DGKG: variants seen among roughly 807,000 people sequenced by gnomAD.
DGKG encodes the protein DAG kinase gamma.
In DGKG, 78 loss-of-function variants were observed where a neutral mutation model predicts 105.3. The ratio of observed to expected loss-of-function variants is 0.74; its 90% CI spans 0.62 to 0.89. DGKG has a LOEUF of 0.89. Among genes scored for constraint, DGKG ranks in the 40% least tolerant of loss-of-function variants. DGKG has a pLI of 0.00. For missense variants in DGKG, 958 were observed against 1,020.1 expected, an observed-to-expected ratio of 0.94 and a Z score of 0.83; for synonymous variants, 346 against 367.1, an observed-to-expected ratio of 0.94 and a Z score of 0.66.
chr3:186,243,895 GTT>G (rs34134152), intron 19 of DGKG, among the ~76,000 whole-genome samples: 3,147 of 116,258 alleles, frequency 0.027, 53 homozygotes, highest in Middle Eastern at 0.049. Flanking sequence ...AAATTTCTGT[GTT>G]TTTTTTTTTT....
intron 5 of DGKG, among the ~76,000 whole-genome samples, chr3:186,292,425 TA>T (rs1249291256): frequency 6.6e-6 from 1 of 152,212 alleles, no homozygotes; most frequent in Non-Finnish European, 1.5e-5. Context: ...GGGATTGCAT[TA>T]AAACTGATGT....
intron 3 of DGKG, among the ~76,000 whole-genome samples, chr3:186,303,791 A>C (rs1724089912): frequency 6.6e-6 from 1 of 152,228 alleles, no homozygotes; most frequent in Non-Finnish European, 1.5e-5. Context: ...TCACGGCCAG[A>C]TGCAGCTCTG....
rs573487229 is a variant in DGKG, at chr3:186,207,988, C to A, written c.1917+3807G>T. On this transcript the variant is annotated intron_variant, in intron 21 of 24. Transcript: ENST00000265022. ...TCTCCTATTCCTTCTCAAACAGCCA[C>A]TAGCCTCAGAGAAATCGCCTGTATA... Among the ~76,000 whole-genome samples, 3 of 152,364 alleles carry A rather than the reference C, an allele frequency of 2.0e-5. No individual in the cohort carries two copies. In the East Asian group the frequency reaches 5.8e-4, roughly 29 times the overall value.
chr3:186,341,387 C>T (rs2108660835), intron 1 of DGKG, among the ~76,000 whole-genome samples: 1 of 152,358 alleles, frequency 6.6e-6, no homozygotes, highest in South Asian at 2.1e-4. Flanking sequence ...TGGTACACAA[C>T]TGTAGTCCTA....
chr3:186,276,212 G>T (rs960559620), intron 9 of DGKG, among the ~76,000 whole-genome samples: 1 of 152,128 alleles, frequency 6.6e-6, no homozygotes, highest in Non-Finnish European at 1.5e-5. Context: ...TAGTACATCC[G>T]TCTGATGTAA....
intron 5 of DGKG, among the ~76,000 whole-genome samples, chr3:186,293,563 A>G (rs531937602): frequency 6.6e-6 from 1 of 152,192 alleles, no homozygotes; most frequent in East Asian, 1.9e-4. Flanking sequence ...CTGAGCTGAC[A>G]CTCTGACAGT....
At chr3:186,211,703 T>G in intron 21 of DGKG, 92 bp downstream of exon 21, 1 of 955,276 alleles carries the variant, frequency 1.0e-6, no homozygotes, top group South Asian at 1.3e-5. Flanking sequence ...GGGTCACCTC[T>G]TAAGGTCCCA....
rs367676438 is a variant in DGKG, at chr3:186,268,784, C to T, written c.1116+17G>A. 3 of 1,585,584 alleles carry T rather than the reference C, an allele frequency of 1.9e-6. No homozygotes were observed. The highest frequency in any genetic ancestry group is 2.6e-6 in the Non-Finnish European group (3 of 1,155,536). On this transcript the variant is annotated intron_variant, in intron 12 of 24. Coordinates refer to ENST00000265022, the MANE Select transcript of DGKG (RefSeq NM_001346.3). ...AAACGTTGAAAAGAAGCAGGGCCGC[C>T]CTGGGCGCCAACCCACCGTCATCCG...
chr3:186,300,867 G>A (rs978751672), intron 3 of DGKG, among the ~76,000 whole-genome samples: 13 of 152,306 alleles, frequency 8.5e-5, no homozygotes, highest in Middle Eastern at 3.4e-3. Context: ...CAGACCAAGC[G>A]CATTTCTCCC....
intron 24 of DGKG, chr3:186,159,854 C>G (rs529821223): frequency 6.6e-6 from 1 of 151,960 alleles, no homozygotes. Context: ...TCACAAGGGG[C>G]GGGGGGGCCA....
chr3:186,257,738 A>G, intron 17 of DGKG, 116 bp downstream of exon 17: 1 of 725,768 alleles, frequency 1.4e-6, no homozygotes, highest in Non-Finnish European at 2.4e-6. Flanking sequence ...GGTCCAGGGG[A>G]AGATACAAGG....
intron 22 of DGKG, among the ~76,000 whole-genome samples, chr3:186,179,469 C>T (rs1014254731): frequency 6.6e-6 from 1 of 152,242 alleles, no homozygotes; most frequent in Non-Finnish European, 1.5e-5. Context: ...CAAGCCACTT[C>T]ACCTTGCTGG....
intron 24 of DGKG, chr3:186,159,164 C>T (rs1716171710): frequency 6.6e-6 from 1 of 151,422 alleles, no homozygotes. Context: ...GTCTTAACAT[C>T]ATTCAACTTG....
intron 20 of DGKG, among the ~76,000 whole-genome samples, chr3:186,238,292 TAAAAAAAAAAAAAA>T (rs5855085): frequency 4.9e-5 from 4 of 81,268 alleles, no homozygotes; most frequent in African/African-American, 2.1e-4. Context: ...TGACTCTTTC[TAAAAAAAAAAAAAA>T]AAAAAAAAAG....
At position 186,275,647 on chromosome 3, in the gene DGKG, C is replaced by T. The variant is rs1355538873; in HGVS notation, c.810G>A (p.Gly270=). The T allele has an allele frequency of 1.2e-6, 2 of 1,613,852 alleles. No individual in the cohort carries two copies. The highest frequency in any genetic ancestry group is 8.5e-7 in the Non-Finnish European group (1 of 1,179,984). ...AGTGCTTCATGGTCCAGGCGTGCCG[C>T]CCATCCCCCTTGGAGCCCTGCAGGG... The part of the protein sequence containing the change: ...GMDDSGSKGD[G]RHAWTMKHFK... Residue 270 remains glycine (G), a synonymous_variant, in exon 10 of 25, where the codon GGG becomes GGA. Transcript: ENST00000265022.
At chr3:186,220,784 C>T (rs1418809631) in intron 20 of DGKG, among the ~76,000 whole-genome samples, 1 of 152,160 alleles carries the variant, frequency 6.6e-6, no homozygotes, top group Non-Finnish European at 1.5e-5. Flanking sequence ...AGCCTCTGTA[C>T]CCCTTCAAGG....
At chr3:186,310,092 C>T (rs1329915057) in intron 2 of DGKG, among the ~76,000 whole-genome samples, 1 of 149,992 alleles carries the variant, frequency 6.7e-6, no homozygotes, top group Non-Finnish European at 1.5e-5. Flanking sequence ...CATGGTGAAA[C>T]CCCATCTCTA....
intron 9 of DGKG, among the ~76,000 whole-genome samples, chr3:186,277,401 C>A (rs1175226534): frequency 2.0e-5 from 3 of 152,200 alleles, no homozygotes; most frequent in Admixed American, 2.0e-4. Context: ...CTAGCCCAAG[C>A]CCACATAGAT....
intron 21 of DGKG, among the ~76,000 whole-genome samples, chr3:186,198,743 AG>A (rs765346533): frequency 2.0e-5 from 3 of 152,228 alleles, no homozygotes; most frequent in Non-Finnish European, 4.4e-5. Context: ...GGGGAAGAAA[AG>A]GAAGTAGTTA....
Sources: allele counts gnomAD v4.1 joint callset (sites outside exome capture counted in the v4.1 genomes callset), GRCh38; gene constraint gnomAD v4.1.1; transcripts MANE v1.5; gene names NCBI Gene and HGNC (gene_info 2026-07-23, HGNC 2026-07-21).